The following SLC24A3 variants were observed in gnomAD, a reference collection of about 807,000 sequenced individuals.
SLC24A3 encodes solute carrier family 24 member 3.
In SLC24A3, 28 loss-of-function variants were observed where a neutral mutation model predicts 75.8. That is an observed-to-expected ratio of 0.37 (90% CI 0.27 to 0.51). The LOEUF (loss-of-function observed/expected upper bound fraction) is 0.51. SLC24A3 is among the 20% of genes least tolerant of loss of function. SLC24A3 has a pLI of 0.94. For missense variants in SLC24A3, 663 were observed against 847.8 expected, an observed-to-expected ratio of 0.78 and a Z score of 2.71; for synonymous variants, 372 against 334.1, an observed-to-expected ratio of 1.11 and a Z score of -1.24.
intron 1 of SLC24A3, among the ~76,000 whole-genome samples, chr20:19,220,729 T>A (rs1425734657): frequency 6.6e-6 from 1 of 152,204 alleles, no homozygotes; most frequent in Non-Finnish European, 1.5e-5. Flanking sequence ...GTCTGCACAT[T>A]GTAATCACTT....
At chr20:19,246,221 A>T (rs1389378579) in intron 1 of SLC24A3, among the ~76,000 whole-genome samples, 1 of 152,148 alleles carries the variant, frequency 6.6e-6, no homozygotes, top group African/African-American at 2.4e-5. Flanking sequence ...CAGTAAAGGA[A>T]GACTAAAATT....
At chr20:19,380,944 A>T (rs776060368) in intron 2 of SLC24A3, among the ~76,000 whole-genome samples, 3 of 152,194 alleles carry the variant, frequency 2.0e-5, no homozygotes, top group Non-Finnish European at 4.4e-5. Context: ...CTGACCCTTT[A>T]TAATAATTAG....
intron 3 of SLC24A3, among the ~76,000 whole-genome samples, chr20:19,528,528 C>G (rs182489590): frequency 1.3e-5 from 2 of 152,162 alleles, no homozygotes. Flanking sequence ...CAGGTCTACA[C>G]GTGGCCCTCA....
rs1291006751 is a variant in SLC24A3 at position 19,467,721 on chromosome 20, A to C, written c.272-47767A>C. On this transcript the variant is annotated intron_variant, in intron 2 of 16. Coordinates refer to ENST00000328041, the MANE Select transcript of SLC24A3 (RefSeq NM_020689.4). ...CATGGTGAAACCCCATCTCCACTAA[A>C]AATACAAAAATTAGCTGGGCGTAGT... Among the ~76,000 whole-genome samples the C allele has an allele frequency of 2.0e-5, 3 of 152,188 alleles. No homozygotes were observed. In the South Asian group the frequency reaches 6.2e-4, roughly 32 times the overall value.
Position 19,358,172 on chromosome 20 carries a change from G to A in SLC24A3, c.271+77085G>A, listed in dbSNP as rs889680805. 5.3e-5 allele frequency among the ~76,000 whole-genome samples: 8 copies of A among 152,134 alleles called. 1 individual carries two copies. The highest frequency in any genetic ancestry group is 1.9e-4 in the African/African-American group (8 of 41,444). ...TGACAGTTTTGTTTAGTATTTTCCT[G>A]TCAAAAATCCAGATTGCAGGCCATG... On this transcript the variant is annotated intron_variant, in intron 2 of 16. Transcript: ENST00000328041.
intron 2 of SLC24A3, among the ~76,000 whole-genome samples, chr20:19,293,993 A>G (rs1421632994): frequency 1.3e-5 from 2 of 152,192 alleles, no homozygotes; most frequent in African/African-American, 4.8e-5. Flanking sequence ...GCATTTGCAT[A>G]TAACCTATGC....
chr20:19,668,986 G>A (rs1456298381), intron 8 of SLC24A3, among the ~76,000 whole-genome samples: 1 of 152,114 alleles, frequency 6.6e-6, no homozygotes, highest in Non-Finnish European at 1.5e-5. Context: ...GTCGCAGAAG[G>A]GTCTGCCTTG....
chr20:19,711,344 C>T (rs1476070269), intron 15 of SLC24A3, among the ~76,000 whole-genome samples: 1 of 150,918 alleles, frequency 6.6e-6, no homozygotes, highest in African/African-American at 2.4e-5. Flanking sequence ...CACGTGCAAA[C>T]ATACCACACA....
chr20:19,604,153 A>G (rs1281781818), intron 6 of SLC24A3, among the ~76,000 whole-genome samples: 5 of 152,174 alleles, frequency 3.3e-5, no homozygotes, highest in Admixed American at 1.3e-4. Flanking sequence ...AAGGTAGATG[A>G]TCAATAAGAA....
chr20:19,580,835 C>G (rs893727778), intron 4 of SLC24A3, among the ~76,000 whole-genome samples: 2 of 152,148 alleles, frequency 1.3e-5, no homozygotes, highest in African/African-American at 2.4e-5. Context: ...ACACATCTGT[C>G]GAGAACTCGG....
intron 1 of SLC24A3, among the ~76,000 whole-genome samples, chr20:19,270,003 G>A (rs1440947355): frequency 8.5e-5 from 13 of 152,098 alleles, no homozygotes; most frequent in East Asian, 1.9e-4. Context: ...CCATTCCTAC[G>A]ATTTCTCTTC....
intron 1 of SLC24A3, among the ~76,000 whole-genome samples, chr20:19,237,862 C>T (rs6106039): frequency 6.6e-6 from 1 of 152,238 alleles, no homozygotes; most frequent in East Asian, 1.9e-4. Flanking sequence ...AAGCCTGGGC[C>T]TGAGTTTCAC....
chr20:19,454,207 C>A (rs889764531), intron 2 of SLC24A3, among the ~76,000 whole-genome samples: 4 of 152,076 alleles, frequency 2.6e-5, no homozygotes, highest in Admixed American at 6.6e-5. Context: ...CTGCTTCCTG[C>A]CCATCTAAGG....
intron 2 of SLC24A3, among the ~76,000 whole-genome samples, chr20:19,416,279 CT>C (rs1986825925): frequency 6.6e-6 from 1 of 152,210 alleles, no homozygotes; most frequent in African/African-American, 2.4e-5. Flanking sequence ...TCTGTGTGAG[CT>C]TGTAAGTGGC....
At chr20:19,636,447 T>C (rs1300323105) in intron 6 of SLC24A3, among the ~76,000 whole-genome samples, 1 of 152,226 alleles carries the variant, frequency 6.6e-6, no homozygotes, top group Admixed American at 6.5e-5. Flanking sequence ...AGAAGGTATG[T>C]CTAGGGAGGT....
intron 2 of SLC24A3, among the ~76,000 whole-genome samples, chr20:19,288,659 T>C (rs1406300386): frequency 6.6e-6 from 1 of 152,206 alleles, no homozygotes; most frequent in Non-Finnish European, 1.5e-5. Flanking sequence ...GCCCAGTTGA[T>C]AGATTAGTTA....
At chr20:19,351,094 GC>G (rs1305564840) in intron 2 of SLC24A3, among the ~76,000 whole-genome samples, 1 of 152,122 alleles carries the variant, frequency 6.6e-6, no homozygotes, top group East Asian at 1.9e-4. Flanking sequence ...AATGGTCCAG[GC>G]CCAGGGCTGG....
intron 2 of SLC24A3, among the ~76,000 whole-genome samples, chr20:19,372,143 G>T (rs971525518): frequency 3.3e-5 from 5 of 152,170 alleles, no homozygotes; most frequent in African/African-American, 1.2e-4. Context: ...TTAGAACTGT[G>T]GTTGCTTAGA....
intron 2 of SLC24A3, among the ~76,000 whole-genome samples, chr20:19,396,809 G>A (rs1047729059): frequency 1.3e-5 from 2 of 152,058 alleles, no homozygotes; most frequent in Non-Finnish European, 1.5e-5. Flanking sequence ...GTCAAATCAC[G>A]GTAATTAGTG....
Sources: allele counts gnomAD v4.1 joint callset (sites outside exome capture counted in the v4.1 genomes callset), GRCh38; gene constraint gnomAD v4.1.1; transcripts MANE v1.5; gene names NCBI Gene and HGNC (gene_info 2026-07-23, HGNC 2026-07-21).